ERBB3: variants seen among roughly 807,000 people sequenced by gnomAD.
ERBB3 encodes erb-b2 receptor tyrosine kinase 3.
In ERBB3, 96 loss-of-function variants were observed where a neutral mutation model predicts 156.7. The observed-to-expected ratio is 0.61, with a 90% CI of 0.52 to 0.73. The LOEUF (loss-of-function observed/expected upper bound fraction) is 0.73. Ranked by LOEUF, ERBB3 falls within the 30% of genes least tolerant of loss-of-function variation. The probability of loss-of-function intolerance (pLI) is 0.00; values close to 1 mark genes in which losing one functional copy is unlikely to be tolerated. For missense variants in ERBB3, 1,406 were observed against 1,709.4 expected (o/e 0.82, Z 3.13); for synonymous variants, 567 against 632.0 (o/e 0.90, Z 1.54).
At chr12:56,092,964 A>G (rs1442722273) in intron 10 of ERBB3, 22 bp from the exon 11 acceptor site, 1 of 1,601,018 alleles carries the variant, frequency 6.2e-7, no homozygotes, top group Admixed American at 1.7e-5. Flanking sequence ...CCCTGCCCAT[A>G]TGCCTCTCTC....
intron 3 of ERBB3, chr12:56,085,521 G>A (rs1868449236): frequency 9.6e-7 from 1 of 1,043,880 alleles, no homozygotes; most frequent in East Asian, 3.0e-5. Context: ...AAGGAGGGCA[G>A]ATCACTTGAG....
chr12:56,098,554 C>A lies in ERBB3; in HGVS notation c.2671C>A (p.Gln891Lys), dbSNP rs1270667325. Residue 891 changes from glutamine (Q) to lysine (K), a missense_variant, in exon 22 of 28, where the codon CAG (glutamine) becomes AAG (lysine). Gln to Lys is a moderately conservative substitution (Grantham distance 53, BLOSUM62 1). Transcript: ENST00000267101. The stretch of plus-strand genomic sequence containing the variant: ...TATCCACTTTGGGAAATACACACAC[C>A]AGAGTGATGTCTGGAGCTATGGTCA... The part of the protein sequence containing the change: ...ESIHFGKYTH[Q>K]SDVWSYGVTV... 6.2e-7 allele frequency: 1 copy of A among 1,613,812 alleles called. No individual in the cohort carries two copies. Among genetic ancestry groups the A allele is most frequent in the Admixed American group, 1.7e-5 (1 of 60,030 alleles).
Position 56,098,508 on chromosome 12 carries a change from T to C in ERBB3, c.2625T>C (p.Ile875=). 1 of 1,610,112 alleles carries C rather than the reference T, an allele frequency of 6.2e-7. No homozygotes were observed. The highest frequency in any genetic ancestry group is 1.7e-5 in the Admixed American group (1 of 60,034). Residue 875 remains isoleucine (I), a synonymous_variant, in exon 22 of 28, where the codon ATT becomes ATC. Transcript: ENST00000267101. ...CTATCTTTAATCCGCAGACTCCAATTAAGTGGATGGCCCTTGAGAGTATCC... is the reference window on the plus strand; with the variant it reads ...CTATCTTTAATCCGCAGACTCCAATCAAGTGGATGGCCCTTGAGAGTATCC... ...QLLYSEAKTP[I]KWMALESIHF...
chr12:56,096,708 G>A (rs775627128), intron 18 of ERBB3, 40 bp from the exon 19 acceptor site: 1 of 1,612,712 alleles, frequency 6.2e-7, no homozygotes, highest in South Asian at 1.1e-5. Context: ...TTGACCTAGG[G>A]AGAATGACCT....
chr12:56,085,088 G>T lies in ERBB3; in HGVS notation c.328G>T (p.Val110Phe). 1.1e-5 allele frequency: 17 copies of T among 1,614,096 alleles called. No individual in the cohort carries two copies. The highest frequency in any genetic ancestry group is 1.4e-5 in the Non-Finnish European group (17 of 1,180,014). ...CCTCCGCGTGGTGCGAGGGACCCAG[G>T]TCTACGATGGGAAGTTTGCCATCTT... Reference protein sequence around the residue: ...PNLRVVRGTQVYDGKFAIFVM... With the variant: ...PNLRVVRGTQFYDGKFAIFVM... The change falls in exon 3 of 28, where the codon GTC becomes TTC. Residue 110 changes from valine to phenylalanine, a missense_variant. By Grantham distance (50) the Val-to-Phe change is conservative (BLOSUM62 -1). Transcript: ENST00000267101.
Position 56,088,569 on chromosome 12 carries a change from T to C in ERBB3, c.901T>C (p.Cys301Arg). 6.2e-7 allele frequency: 1 copy of C among 1,613,762 alleles called. No individual in the cohort carries two copies. Reference sequence around the variant, plus strand: ...TAACTTTGTGGTGGATCAAACATCCTGTGTCAGGGCCTGTCCTCCTGACAA... The same window carrying C: ...TAACTTTGTGGTGGATCAAACATCCCGTGTCAGGGCCTGTCCTCCTGACAA... ...PHNFVVDQTS[C>R]VRACPPDKME... Residue 301 changes from cysteine to arginine, a missense_variant, in exon 8 of 28, where the codon TGT becomes CGT. Coordinates refer to ENST00000267101, the MANE Select transcript of ERBB3 (RefSeq NM_001982.4).
intron 9 of ERBB3, among the ~76,000 whole-genome samples, chr12:56,089,576 C>G (rs1039213049): frequency 6.6e-6 from 1 of 152,138 alleles, no homozygotes; most frequent in African/African-American, 2.4e-5. Context: ...AATGCCATCT[C>G]TACTAAAAAC....
At chr12:56,097,718 G>A in intron 20 of ERBB3, 67 bp from the exon 21 acceptor site, 1 of 1,524,066 alleles carries the variant, frequency 6.6e-7, no homozygotes, top group East Asian at 2.2e-5. Context: ...CAAGATTTGG[G>A]GGAATTCCAG....
intron 3 of ERBB3, 33 bp from the exon 4 acceptor site, chr12:56,086,498 C>A (rs780394534): frequency 1.0e-4 from 162 of 1,613,568 alleles, no homozygotes; most frequent in Non-Finnish European, 1.3e-4. Context: ...TCCGCTGCGG[C>A]CCTTAACCCT....
chr12:56,097,294 G>A, intron 20 of ERBB3, 64 bp downstream of exon 20: 1 of 1,537,356 alleles, frequency 6.5e-7, no homozygotes, highest in African/African-American at 1.4e-5. Flanking sequence ...CCAGGAAAAA[G>A]TGAGAAGGTT....
intron 21 of ERBB3, 128 bp downstream of exon 21, chr12:56,098,068 C>A: frequency 1.1e-6 from 1 of 916,898 alleles, no homozygotes; most frequent in Non-Finnish European, 1.7e-6. Context: ...CTGCAGATGC[C>A]AGATATTTTA....
chr12:56,101,602 T>C lies in ERBB3; in HGVS notation c.3576T>C (p.Asp1192=), dbSNP rs200811061. ...LSSVLGTEEE[D]EDEEYEYMNR... ...CTGTCCTGGGTACTGAAGAAGAAGA[T>C]GAAGATGAGGAGTATGAATACATGA... The change falls in exon 28 of 28, where the codon GAT becomes GAC. Residue 1192 remains aspartate, a synonymous_variant. Coordinates refer to ENST00000267101, the MANE Select transcript of ERBB3 (RefSeq NM_001982.4). The C allele has an allele frequency of 1.9e-6, 3 of 1,613,854 alleles. No homozygotes were observed. The highest frequency in any genetic ancestry group is 2.2e-5 in the East Asian group (1 of 44,876).
At chr12:56,082,748 A>G (rs73338396) in intron 1 of ERBB3, among the ~76,000 whole-genome samples, 3,326 of 152,260 alleles carry the variant, frequency 0.022, 131 homozygotes, top group African/African-American at 0.075. Context: ...TGCAAAGAAG[A>G]GTGAACTCCC....
At position 56,096,822 on chromosome 12, in the gene ERBB3, G is replaced by A. The variant is rs1868904354; in HGVS notation, c.2250G>A (p.Arg750=). The change falls in exon 19 of 28, where the codon CGG becomes CGA. Residue 750 remains arginine, a synonymous_variant. Coordinates refer to ENST00000267101, the MANE Select transcript of ERBB3 (RefSeq NM_001982.4). ...AAGTCATTGAGGACAAGAGTGGACG[G>A]CAGAGTTTTCAAGCTGTGACAGATG... The part of the protein sequence containing the change: ...CIKVIEDKSG[R]QSFQAVTDHM... 6.2e-7 allele frequency: 1 copy of A among 1,613,584 alleles called. No individual in the cohort carries two copies. The highest frequency in any genetic ancestry group is 8.5e-7 in the Non-Finnish European group (1 of 1,179,502).
In ERBB3 at chr12:56,102,888, A is replaced by G. The variant is rs1038122836; in HGVS notation, c.*833A>G. On this transcript the variant is annotated 3_prime_UTR_variant, in exon 28 of 28. Coordinates refer to ENST00000267101, the MANE Select transcript of ERBB3 (RefSeq NM_001982.4). ...CTGTAATCCCAGCCAGCACTTTGGG[A>G]GGCTGAGATGGGAAGATCACTTGAG... 16 of 182,914 alleles carry G rather than the reference A, an allele frequency of 8.7e-5. No homozygotes were observed. The highest frequency in any genetic ancestry group is 3.7e-4 in the African/African-American group (15 of 40,530). The allele number at this position is 182,914 out of a possible 1,614,324, so 11.3% of individuals were successfully genotyped here.
At chr12:56,100,959 AAAAAAG>A in intron 26 of ERBB3, 96 bp from the exon 27 acceptor site, 1 of 851,198 alleles carries the variant, frequency 1.2e-6, no homozygotes, top group Non-Finnish European at 1.7e-6. Context: ...AAAAAAAAAA[AAAAAAG>A]GCAGTGAACA....
intron 1 of ERBB3, 96 bp from the exon 2 acceptor site, chr12:56,083,655 T>C: frequency 1.4e-6 from 2 of 1,415,424 alleles, no homozygotes; most frequent in South Asian, 2.3e-5. Context: ...CTAATGTAAC[T>C]GGAAGAGGGC....
intron 14 of ERBB3, 105 bp from the exon 15 acceptor site, chr12:56,094,297 A>G: frequency 6.8e-7 from 1 of 1,474,608 alleles, no homozygotes; most frequent in South Asian, 1.1e-5. Flanking sequence ...AGATAATGCT[A>G]GGGCCTGCAG....
chr12:56,095,372 A>G (rs914526039), intron 16 of ERBB3, 62 bp downstream of exon 16: 1 of 1,380,562 alleles, frequency 7.2e-7, no homozygotes, highest in Non-Finnish European at 1.0e-6. Context: ...AGAGGTGGTT[A>G]CCTGGAGAGA....
Sources: allele counts gnomAD v4.1 joint callset (sites outside exome capture counted in the v4.1 genomes callset), GRCh38; gene constraint gnomAD v4.1.1; transcripts MANE v1.5; gene names NCBI Gene and HGNC (gene_info 2026-07-23, HGNC 2026-07-21).